GALNTL5: variants seen among roughly 807,000 people sequenced by gnomAD.
GALNTL5 encodes inactive polypeptide N-acetylgalactosaminyltransferase-like protein 5.
A neutral mutation model predicts 51.0 loss-of-function variants in GALNTL5; 44 were observed. That is an observed-to-expected ratio of 0.86 (90% confidence interval 0.68 to 1.11). The LOEUF (loss-of-function observed/expected upper bound fraction) is 1.11, where lower values mean the gene tolerates loss of function less well. Among genes scored for constraint, GALNTL5 ranks in the 50% least tolerant of loss-of-function variants. GALNTL5 has a pLI of 0.00. For missense variants in GALNTL5, 528 were observed against 531.8 expected (o/e 0.99, Z 0.07); for synonymous variants, 192 against 182.8 (o/e 1.05, Z -0.41).
intron 1 of GALNTL5, among the ~76,000 whole-genome samples, chr7:151,962,436 C>CTTTTTTTTTTTTTTTTTTTTTTTT (rs61210832): frequency 3.4e-5 from 4 of 116,230 alleles, no homozygotes; most frequent in African/African-American, 6.3e-5. Flanking sequence ...ATTTTTTTTT[C>CTTTTTTTTTTTTTTTTTTTTTTTT]TTTTTTTTTT....
chr7:152,001,807 A>G (rs73730310), intron 5 of GALNTL5, among the ~76,000 whole-genome samples: 4,842 of 152,248 alleles, frequency 0.032, 241 homozygotes, highest in African/African-American at 0.11. Flanking sequence ...GTAGATTAGT[A>G]TGGGGGTTAT....
At chr7:152,005,348 C>T (rs1383427105) in intron 6 of GALNTL5, among the ~76,000 whole-genome samples, 2 of 152,190 alleles carry the variant, frequency 1.3e-5, no homozygotes, top group African/African-American at 4.8e-5. Context: ...TTCCCCCAGC[C>T]ACCTGCCCTT....
intron 8 of GALNTL5, among the ~76,000 whole-genome samples, chr7:152,015,085 GT>G (rs2081789856): frequency 6.6e-6 from 1 of 152,076 alleles, no homozygotes; most frequent in Non-Finnish European, 1.5e-5. Context: ...ATTGATAGTT[GT>G]TCTTTTCTCT....
At chr7:151,967,168 G>A in intron 1 of GALNTL5, 40 bp from the exon 2 acceptor site, 1 of 1,322,936 alleles carries the variant, frequency 7.6e-7, no homozygotes, top group East Asian at 2.3e-5. Context: ...CAAACCATTG[G>A]AATATCTAAT....
chr7:151,998,022 T>G (rs754601648), intron 5 of GALNTL5, among the ~76,000 whole-genome samples: 31 of 152,008 alleles, frequency 2.0e-4, no homozygotes, highest in Non-Finnish European at 3.2e-4. Flanking sequence ...GACAACACAG[T>G]GAGACACCAT....
In GALNTL5 at chr7:151,962,436, C is replaced by CTTT. The variant is rs61210832; in HGVS notation, c.-39-4759_-39-4757dup. Among the ~76,000 whole-genome samples the CTTT allele has an allele frequency of 3.4e-5, 4 of 116,232 alleles. 1 individual carries two copies. Among genetic ancestry groups the CTTT allele is most frequent in the Non-Finnish European group, 5.2e-5 (3 of 57,332 alleles). The allele number at this position is 116,232 out of a possible 152,430, so 76.3% of individuals were successfully genotyped here. Reference sequence around the variant, plus strand: ...AAAAAAGTCTGTGTGATTTTTTTTTCTTTTTTTTTTTTTTTGGTTAATGCA... The same window carrying CTTT: ...AAAAAAGTCTGTGTGATTTTTTTTTCTTTTTTTTTTTTTTTTTTGGTTAATGCA... On this transcript the variant is annotated intron_variant, in intron 1 of 8. Coordinates refer to ENST00000392800, the MANE Select transcript of GALNTL5 (RefSeq NM_145292.4).
intron 5 of GALNTL5, among the ~76,000 whole-genome samples, chr7:151,999,106 T>C (rs764803248): frequency 2.6e-5 from 4 of 152,240 alleles, no homozygotes; most frequent in Admixed American, 6.5e-5. Context: ...TCTAGATATT[T>C]CATATCAACG....
intron 8 of GALNTL5, among the ~76,000 whole-genome samples, chr7:152,017,901 G>A (rs528595252): frequency 4.6e-5 from 7 of 151,734 alleles, no homozygotes; most frequent in South Asian, 2.1e-4. Flanking sequence ...GCTGGAGTGC[G>A]GTGATGCAAT....
In GALNTL5 at chr7:152,007,104, G is replaced by T. The variant is rs1563023741; in HGVS notation, c.909-723G>T. On this transcript the variant is annotated intron_variant, in intron 6 of 8. Coordinates refer to ENST00000392800, the MANE Select transcript of GALNTL5 (RefSeq NM_145292.4). ...AAACTACTTAGTTTGGTATTATTTG[G>T]CCCTACTATTGGTGGACAAAACAAG... 2.0e-5 allele frequency among the ~76,000 whole-genome samples: 3 copies of T among 152,094 alleles called. 1 individual carries two copies. The South Asian group carries it at 6.2e-4, about 32-fold the overall frequency.
intron 5 of GALNTL5, among the ~76,000 whole-genome samples, chr7:151,996,649 C>T (rs137897927): frequency 1.3e-3 from 201 of 151,880 alleles, no homozygotes; most frequent in Admixed American, 2.5e-3. Flanking sequence ...TTTGGGAGGG[C>T]GAGGCAGGAG....
intron 2 of GALNTL5, among the ~76,000 whole-genome samples, chr7:151,969,875 C>T (rs999368599): frequency 7.2e-5 from 11 of 152,168 alleles, no homozygotes; most frequent in Admixed American, 6.5e-4. Flanking sequence ...GGCACGATCT[C>T]GGCTCACTGC....
intron 5 of GALNTL5, among the ~76,000 whole-genome samples, chr7:151,996,431 A>C (rs1376457476): frequency 6.6e-6 from 1 of 152,030 alleles, no homozygotes; most frequent in East Asian, 1.9e-4. Flanking sequence ...ATCAATACCA[A>C]AAAATTGGAA....
chr7:151,975,640 C>T (rs2081195415), intron 3 of GALNTL5, among the ~76,000 whole-genome samples: 1 of 151,922 alleles, frequency 6.6e-6, no homozygotes, highest in South Asian at 2.1e-4. Flanking sequence ...CTTGTTCCTT[C>T]AGGTATAACA....
At chr7:151,977,019 G>A (rs58491192) in intron 3 of GALNTL5, among the ~76,000 whole-genome samples, 39,092 of 151,972 alleles carry the variant, frequency 0.26, 5,199 homozygotes, top group East Asian at 0.38. Context: ...TGTTACTATT[G>A]TCACCAAATT....
At chr7:151,987,650 A>G (rs2081375992) in intron 5 of GALNTL5, among the ~76,000 whole-genome samples, 1 of 152,028 alleles carries the variant, frequency 6.6e-6, no homozygotes, top group Admixed American at 6.6e-5. Context: ...TGCAGCGCTC[A>G]TCCACGGGGA....
intron 6 of GALNTL5, among the ~76,000 whole-genome samples, chr7:152,007,610 G>A (rs2081664509): frequency 6.6e-6 from 1 of 151,802 alleles, no homozygotes; most frequent in South Asian, 2.1e-4. Flanking sequence ...AGTAGAGACG[G>A]GGTTTCACTG....
rs35440567 is a variant in GALNTL5, at chr7:152,001,476, G to T, written c.659-1238G>T. Among the ~76,000 whole-genome samples the T allele has an allele frequency of 4.7e-3, 714 of 152,202 alleles. 2 individuals are homozygous for T. The highest frequency in any genetic ancestry group is 9.8e-3 in the South Asian group (47 of 4,812). On this transcript the variant is annotated intron_variant, in intron 5 of 8. Transcript: ENST00000392800. Reference sequence around the variant, plus strand: ...GGGGTCTAACTTCATTCTTTTGCATGTGGATATTCCGTTGCCTCAGCACAA... The same window carrying T: ...GGGGTCTAACTTCATTCTTTTGCATTTGGATATTCCGTTGCCTCAGCACAA...
intron 3 of GALNTL5, among the ~76,000 whole-genome samples, chr7:151,976,731 C>T (rs972729384): frequency 2.6e-5 from 4 of 152,184 alleles, no homozygotes; most frequent in South Asian, 2.1e-4. Flanking sequence ...TGTAGTGGCA[C>T]GATCTCAGCT....
chr7:151,971,198 TATTTTTAGGACTTGAAGTC>T, intron 3 of GALNTL5, 133 bp downstream of exon 3: 1 of 680,450 alleles, frequency 1.5e-6, no homozygotes, highest in Non-Finnish European at 2.4e-6. Context: ...TATAGATTCC[TATTTTTAGGACTTGAAGTC>T]AGATAATGTC....
Sources: allele counts gnomAD v4.1 joint callset (sites outside exome capture counted in the v4.1 genomes callset), GRCh38; gene constraint gnomAD v4.1.1; transcripts MANE v1.5; gene names NCBI Gene and HGNC (gene_info 2026-07-23, HGNC 2026-07-21).